RB1CC1: variants seen among roughly 807,000 people sequenced by gnomAD.
RB1CC1 encodes RB1 inducible coiled-coil 1, also known as RB1-inducible coiled-coil protein 1.
Under a neutral mutation model 177.5 loss-of-function variants are expected in RB1CC1, and 46 were observed. The observed-to-expected ratio is 0.26, with a 90% CI of 0.20 to 0.33. The LOEUF (loss-of-function observed/expected upper bound fraction) is 0.33. RB1CC1 is among the 10% of genes least tolerant of loss of function. RB1CC1 has a pLI of 1.00. For missense variants in RB1CC1, 1,703 were observed against 1,816.3 expected (o/e 0.94, Z 1.13); for synonymous variants, 666 against 613.6 (o/e 1.09, Z -1.26).
chr8:52,678,175 T>C (rs988973839), intron 5 of RB1CC1, among the ~76,000 whole-genome samples: 2 of 152,082 alleles, frequency 1.3e-5, no homozygotes, highest in African/African-American at 2.4e-5. Flanking sequence ...TCCTAGTACT[T>C]TGGGAGGCTG....
At chr8:52,706,732 T>C (rs1258062137) in intron 1 of RB1CC1, among the ~76,000 whole-genome samples, 3 of 150,022 alleles carry the variant, frequency 2.0e-5, no homozygotes, top group Non-Finnish European at 3.0e-5. Context: ...ACTCCCTCTG[T>C]TTCAAAAAAA....
intron 1 of RB1CC1, among the ~76,000 whole-genome samples, chr8:52,688,079 A>G (rs1289816755): frequency 6.6e-6 from 1 of 152,212 alleles, no homozygotes; most frequent in African/African-American, 2.4e-5. Flanking sequence ...TAAACTGAGG[A>G]TGTACGTCAT....
chr8:52,640,672 T>C (rs1010252764), intron 18 of RB1CC1, among the ~76,000 whole-genome samples: 3 of 152,224 alleles, frequency 2.0e-5, no homozygotes, highest in Admixed American at 6.5e-5. Flanking sequence ...GAGGTTTTCA[T>C]ACGGTGGTTC....
intron 1 of RB1CC1, among the ~76,000 whole-genome samples, chr8:52,688,802 G>T (rs1854536293): frequency 6.6e-6 from 1 of 152,138 alleles, no homozygotes; most frequent in Admixed American, 6.6e-5. Context: ...CTGTCCTACC[G>T]ATATGTGATG....
intron 8 of RB1CC1, 79 bp from the exon 9 acceptor site, chr8:52,661,798 T>G (rs111890455): frequency 6.2e-5 from 71 of 1,148,810 alleles, no homozygotes; most frequent in East Asian, 4.3e-4. Context: ...TGGAAAATCT[T>G]TATGTTAAAC....
chr8:52,683,928 T>C lies in RB1CC1; in HGVS notation c.157A>G (p.Met53Val). ...GTACACACTCTTCGATCTGCAGCCATGCATTCTCCTCCATTGACCACCAGC... is the reference window on the plus strand; with the variant it reads ...GTACACACTCTTCGATCTGCAGCCACGCATTCTCCTCCATTGACCACCAGC... The part of the protein sequence containing the change: ...QVLVVNGGEC[M>V]AADRRVCTYS... Residue 53 changes from methionine to valine, a missense_variant, in exon 4 of 24, where the codon ATG (methionine) becomes GTG (valine). Physicochemically the swap from Met to Val is conservative, Grantham distance 21. This residue lies in a region of RB1CC1 where 118 missense variants were observed against 121.2 expected (regional missense o/e 0.97). Coordinates refer to ENST00000025008, the MANE Select transcript of RB1CC1 (RefSeq NM_014781.5). 6.2e-7 allele frequency: 1 copy of C among 1,614,134 alleles called. No individual in the cohort carries two copies.
At chr8:52,669,107 G>T (rs1162876145) in intron 7 of RB1CC1, among the ~76,000 whole-genome samples, 1 of 152,156 alleles carries the variant, frequency 6.6e-6, no homozygotes, top group Non-Finnish European at 1.5e-5. Context: ...GTTTCTGACT[G>T]TTTACTAACA....
At chr8:52,624,490 G>A (rs112489319) in intron 23 of RB1CC1, among the ~76,000 whole-genome samples, 26 of 152,044 alleles carry the variant, frequency 1.7e-4, no homozygotes, top group East Asian at 7.7e-4. Context: ...AGACTTCGTA[G>A]TAGTTTTCCA....
chr8:52,685,384 T>C lies in RB1CC1; in HGVS notation c.71+15A>G. 1 of 1,558,536 alleles carries C rather than the reference T, an allele frequency of 6.4e-7. No homozygotes were observed. The highest frequency in any genetic ancestry group is 8.8e-7 in the Non-Finnish European group (1 of 1,138,186). On this transcript the variant is annotated intron_variant, in intron 3 of 23. Transcript: ENST00000025008. The stretch of plus-strand genomic sequence containing the variant: ...AGACAGAATGCGAAAAAAAAATAAA[T>C]GAAATACAACTCACGTTTGCACTGT...
Position 52,656,187 on chromosome 8 carries a change from T to G in RB1CC1, c.3642A>C (p.Lys1214Asn). 1 of 1,613,788 alleles carries G rather than the reference T, an allele frequency of 6.2e-7. No homozygotes were observed. The highest frequency in any genetic ancestry group is 8.5e-7 in the Non-Finnish European group (1 of 1,179,834). The change falls in exon 15 of 24, where the codon AAA becomes AAC. Residue 1214 changes from lysine (K) to asparagine (N), a missense_variant. Coordinates refer to ENST00000025008, the MANE Select transcript of RB1CC1 (RefSeq NM_014781.5). ...KYEAIIQNLE[K>N]DRQKLVSSQE... is the part of the protein sequence containing the mutation. ...GGCTGCTGACCAATTTTTGTCTGTC[T>G]TTCTCAAGGTTCTGGATAATAGCTT...
intron 20 of RB1CC1, among the ~76,000 whole-genome samples, chr8:52,634,246 G>A (rs1848967608): frequency 6.6e-6 from 1 of 152,238 alleles, no homozygotes; most frequent in South Asian, 2.1e-4. Flanking sequence ...AAAGGGCTGG[G>A]TGCAATGTTT....
intron 18 of RB1CC1, among the ~76,000 whole-genome samples, chr8:52,641,400 AAAAAT>A (rs1221768965): frequency 2.3e-4 from 34 of 150,584 alleles, no homozygotes; most frequent in African/African-American, 7.3e-4. Flanking sequence ...AAAAAAAAAA[AAAAAT>A]TAAAATAAAA....
At chr8:52,684,582 G>C (rs1189339644) in intron 3 of RB1CC1, among the ~76,000 whole-genome samples, 1 of 152,096 alleles carries the variant, frequency 6.6e-6, no homozygotes, top group Non-Finnish European at 1.5e-5. Flanking sequence ...GTCCTGTCAA[G>C]CCAGAGAATT....
chr8:52,672,353 C>T (rs746876161), intron 7 of RB1CC1, among the ~76,000 whole-genome samples: 6 of 152,110 alleles, frequency 3.9e-5, no homozygotes, highest in Admixed American at 6.6e-5. Flanking sequence ...CCTAAGACTC[C>T]GTGAAATTTC....
intron 15 of RB1CC1, among the ~76,000 whole-genome samples, chr8:52,648,301 AGTACATACT>A (rs1418355347): frequency 6.6e-6 from 1 of 152,206 alleles, no homozygotes; most frequent in African/African-American, 2.4e-5. Context: ...TCCGGCCAAA[AGTACATACT>A]ATGCCATATT....
At chr8:52,645,601 T>C (rs1372964979) in intron 16 of RB1CC1, 101 bp downstream of exon 16, 1 of 1,199,222 alleles carries the variant, frequency 8.3e-7, no homozygotes, top group Admixed American at 2.8e-5. Flanking sequence ...GAACATCACA[T>C]CTAAGATATA....
Position 52,628,014 on chromosome 8 carries a change from T to A in RB1CC1, c.4636+18A>T. 1 of 1,547,464 alleles carries A rather than the reference T, an allele frequency of 6.5e-7. No homozygotes were observed. The highest frequency in any genetic ancestry group is 2.4e-5 in the East Asian group (1 of 42,066). ...CCTCCATTCCAGGTTTATATTTTAGTCATGGAATGACACTTACCACCCTCA... is the reference window on the plus strand; with the variant it reads ...CCTCCATTCCAGGTTTATATTTTAGACATGGAATGACACTTACCACCCTCA... On this transcript the variant is annotated intron_variant, in intron 22 of 23. Coordinates refer to ENST00000025008, the MANE Select transcript of RB1CC1 (RefSeq NM_014781.5).
chr8:52,642,784 T>A lies in RB1CC1; in HGVS notation c.4016A>T (p.Glu1339Val). 1 of 1,569,686 alleles carries A rather than the reference T, an allele frequency of 6.4e-7. No individual in the cohort carries two copies. The highest frequency in any genetic ancestry group is 2.1e-5 in the Admixed American group (1 of 48,082). ...TATTATGTTTTCTTTTCTCATTTTC[T>A]CTCTTGTTAAAACAGTGTTAAAATT... ...QTNFNTVLTR[E>V]KMRKENIIND... Residue 1339 changes from glutamate to valine, a missense_variant, in exon 17 of 24, where the codon GAG becomes GTG. By Grantham distance (121) the Glu-to-Val change is moderately radical. Transcript: ENST00000025008.
At chr8:52,637,686 T>C (rs986946816) in intron 18 of RB1CC1, among the ~76,000 whole-genome samples, 2 of 151,984 alleles carry the variant, frequency 1.3e-5, no homozygotes, top group Non-Finnish European at 2.9e-5. Context: ...TTTATTTATA[T>C]ATTTATTTTT....
Sources: allele counts gnomAD v4.1 joint callset (sites outside exome capture counted in the v4.1 genomes callset), GRCh38; gene constraint gnomAD v4.1.1; regional missense constraint gnomAD v4.1.1; transcripts MANE v1.5; gene names NCBI Gene and HGNC (gene_info 2026-07-23, HGNC 2026-07-21).